Variants in CCNYL1 observed in about 807,000 individuals in gnomAD.
CCNYL1 encodes cyclin-Y-like protein 1.
Under a neutral mutation model 44.2 loss-of-function variants are expected in CCNYL1, and 16 were observed. The observed-to-expected ratio is 0.36, with a 90% CI of 0.25 to 0.55. The LOEUF (loss-of-function observed/expected upper bound fraction) is 0.55. Ranked by LOEUF, CCNYL1 falls within the 20% of genes least tolerant of loss-of-function variation. The pLI, the probability that CCNYL1 is intolerant of heterozygous loss-of-function variation, is 0.85. For missense variants in CCNYL1, 348 were observed against 451.8 expected, an observed-to-expected ratio of 0.77 and a Z score of 2.08; for synonymous variants, 159 against 163.2, an observed-to-expected ratio of 0.97 and a Z score of 0.20.
intron 3 of CCNYL1, among the ~76,000 whole-genome samples, chr2:207,733,506 G>A (rs1205563981): frequency 6.6e-6 from 1 of 152,162 alleles, no homozygotes; most frequent in Non-Finnish European, 1.5e-5. Context: ...TTTAATATTA[G>A]TAACTTAGTA....
At chr2:207,751,897 T>TG (rs1404568830) in intron 9 of CCNYL1, among the ~76,000 whole-genome samples, 1 of 146,674 alleles carries the variant, frequency 6.8e-6, no homozygotes, top group Non-Finnish European at 1.5e-5. Context: ...AATACAGGCA[T>TG]GGGGGTGCAT....
At chr2:207,720,708 C>T (rs1325234595) in intron 1 of CCNYL1, among the ~76,000 whole-genome samples, 1 of 152,146 alleles carries the variant, frequency 6.6e-6, no homozygotes, top group Non-Finnish European at 1.5e-5. Context: ...AGTCACTGCA[C>T]TCCACCCAGA....
intron 3 of CCNYL1, among the ~76,000 whole-genome samples, chr2:207,729,106 T>A (rs2091701820): frequency 6.6e-6 from 1 of 152,168 alleles, no homozygotes; most frequent in African/African-American, 2.4e-5. Context: ...CTAGACCTTT[T>A]CTTTTTATTG....
intron 4 of CCNYL1, among the ~76,000 whole-genome samples, chr2:207,734,454 C>T (rs1315571280): frequency 1.3e-5 from 2 of 152,228 alleles, no homozygotes. Flanking sequence ...AACAGCTTGT[C>T]CTCTACTGGC....
In CCNYL1 at chr2:207,754,287, T is replaced by G. The variant is rs1279119153; in HGVS notation, c.*589T>G. On this transcript the variant is annotated 3_prime_UTR_variant, in exon 10 of 10. Coordinates refer to ENST00000295414, the MANE Select transcript of CCNYL1 (RefSeq NM_001330218.2). ...AAAAGCTGCTGGATAACATTTGTCA[T>G]TCATATTCTTTGCAAGCATTACTTT... 1 of 152,670 alleles carries G rather than the reference T, an allele frequency of 6.6e-6. No homozygotes were observed. Among genetic ancestry groups the G allele is most frequent in the Non-Finnish European group, 1.5e-5 (1 of 68,060 alleles). 9.5% of individuals were successfully genotyped at this position (152,670 alleles called of 1,614,324 possible).
intron 4 of CCNYL1, among the ~76,000 whole-genome samples, chr2:207,736,583 T>C (rs1252254508): frequency 2.6e-5 from 4 of 152,242 alleles, no homozygotes; most frequent in Admixed American, 6.5e-5. Flanking sequence ...TGTGCACTTA[T>C]TTACTAATAA....
chr2:207,715,083 C>T (rs1373244106), intron 1 of CCNYL1, among the ~76,000 whole-genome samples: 1 of 152,044 alleles, frequency 6.6e-6, no homozygotes, highest in Non-Finnish European at 1.5e-5. Context: ...GCCTGGCCAA[C>T]ATGGTGAAAC....
chr2:207,739,756 A>G (rs1269726549), intron 5 of CCNYL1, among the ~76,000 whole-genome samples: 1 of 152,192 alleles, frequency 6.6e-6, no homozygotes, highest in African/African-American at 2.4e-5. Context: ...TTCAGCAAGG[A>G]TATTCATGAG....
chr2:207,745,834 G>A (rs948756837), intron 7 of CCNYL1, among the ~76,000 whole-genome samples: 1 of 152,092 alleles, frequency 6.6e-6, no homozygotes, highest in Non-Finnish European at 1.5e-5. Context: ...TCAGCTACTT[G>A]GGAGGCTGAG....
intron 5 of CCNYL1, among the ~76,000 whole-genome samples, chr2:207,738,270 G>T (rs1463194143): frequency 6.6e-6 from 1 of 152,092 alleles, no homozygotes; most frequent in African/African-American, 2.4e-5. Context: ...GCCCAGGCTG[G>T]AGTGCAGTGG....
chr2:207,732,229 A>G (rs1172136703), intron 3 of CCNYL1, among the ~76,000 whole-genome samples: 1 of 152,232 alleles, frequency 6.6e-6, no homozygotes, highest in Non-Finnish European at 1.5e-5. Flanking sequence ...AATGTAAACT[A>G]TATACATTAA....
At chr2:207,753,174 G>C (rs1026953882) in intron 9 of CCNYL1, among the ~76,000 whole-genome samples, 1 of 152,074 alleles carries the variant, frequency 6.6e-6, no homozygotes, top group Non-Finnish European at 1.5e-5. Flanking sequence ...AATGTGCTTT[G>C]AGTATATAAT....
At chr2:207,743,613 A>T (rs2091828612) in intron 7 of CCNYL1, among the ~76,000 whole-genome samples, 1 of 152,100 alleles carries the variant, frequency 6.6e-6, no homozygotes, top group South Asian at 2.1e-4. Context: ...TGGATAGAAG[A>T]TAGATCTCTA....
chr2:207,747,485 G>GT (rs1421195949), intron 8 of CCNYL1, among the ~76,000 whole-genome samples: 6 of 147,612 alleles, frequency 4.1e-5, no homozygotes, highest in Non-Finnish European at 8.8e-5. Flanking sequence ...TTTTTGGGTG[G>GT]TTTTTGGCAA....
At chr2:207,739,290 T>A (rs974494517) in intron 5 of CCNYL1, among the ~76,000 whole-genome samples, 1 of 152,226 alleles carries the variant, frequency 6.6e-6, no homozygotes, top group African/African-American at 2.4e-5. Context: ...TGGAGGGCAC[T>A]GGTGCCATCT....
chr2:207,732,744 C>A (rs1023439756), intron 3 of CCNYL1, among the ~76,000 whole-genome samples: 2 of 152,106 alleles, frequency 1.3e-5, no homozygotes, highest in Non-Finnish European at 2.9e-5. Flanking sequence ...GCACTCTTCC[C>A]AAATAAATGG....
Position 207,724,802 on chromosome 2 carries a change from T to C in CCNYL1, c.223T>C (p.Leu75=). 1.9e-6 allele frequency: 3 copies of C among 1,612,240 alleles called. No individual in the cohort carries two copies. In the South Asian group the frequency reaches 3.3e-5, roughly 18 times the overall value. ...HISDREMPED[L]ALESNPSDHP... is the part of the protein sequence containing the mutation. ...GTCTTTTTCCTCCTCTTCTATAGATTTAGCTTTGGAGTCAAACCCTTCTGA... is the reference window on the plus strand; with the variant it reads ...GTCTTTTTCCTCCTCTTCTATAGATCTAGCTTTGGAGTCAAACCCTTCTGA... The change falls in exon 2 of 10, where the codon TTA becomes CTA. Residue 75 remains leucine, a splice_region_variant and synonymous_variant. Coordinates refer to ENST00000295414, the MANE Select transcript of CCNYL1 (RefSeq NM_001330218.2).
At chr2:207,748,529 A>G (rs1317075405) in intron 8 of CCNYL1, among the ~76,000 whole-genome samples, 7 of 152,218 alleles carry the variant, frequency 4.6e-5, no homozygotes, top group African/African-American at 1.4e-4. Context: ...AAAGGCTCTC[A>G]GGGTGCCCAC....
chr2:207,744,817 C>T (rs990315204), intron 7 of CCNYL1, among the ~76,000 whole-genome samples: 14 of 152,182 alleles, frequency 9.2e-5, no homozygotes, highest in South Asian at 4.1e-4. Context: ...TAAGAAGCAA[C>T]GAGGGTGATA....
Sources: gnomAD v4.1 joint callset for allele counts (sites outside exome capture counted in the v4.1 genomes callset) on GRCh38, gnomAD v4.1.1 for gene constraint, MANE v1.5 for transcripts, NCBI Gene and HGNC (gene_info 2026-07-23, HGNC 2026-07-21) for gene names.